TTC6: variants seen among roughly 807,000 people sequenced by gnomAD.
The protein encoded by TTC6 is tetratricopeptide repeat domain 6, also known as tetratricopeptide repeat protein 6.
TTC6 carries 172 observed loss-of-function variants against 210.4 expected under a neutral mutation model. That is an observed-to-expected ratio of 0.82 (90% confidence interval 0.72 to 0.93). The LOEUF (loss-of-function observed/expected upper bound fraction) is 0.93, where lower values mean the gene tolerates loss of function less well. Ranked by LOEUF, TTC6 falls within the 40% of genes least tolerant of loss-of-function variation. The pLI is 0.00. For synonymous variants in TTC6, 804 were observed against 819.6 expected, an observed-to-expected ratio of 0.98 and a Z score of 0.32; for missense variants, 2,414 against 2,318.1, an observed-to-expected ratio of 1.04 and a Z score of -0.85.
chr14:37,616,291 G>C (rs1595013624), intron 2 of TTC6, among the ~76,000 whole-genome samples: 1 of 152,094 alleles, frequency 6.6e-6, no homozygotes, highest in African/African-American at 2.4e-5. Context: ...TGATTCTTCT[G>C]GCTAGAATGA....
chr14:37,827,403 T>C (rs891262688), intron 29 of TTC6, 37 bp downstream of exon 31: 3 of 1,596,430 alleles, frequency 1.9e-6, no homozygotes, highest in South Asian at 1.1e-5. Context: ...CTTTTTGACC[T>C]GGAATGCTTT....
intron 1 of TTC6, among the ~76,000 whole-genome samples, chr14:37,602,244 C>T (rs1566831952): frequency 6.6e-6 from 1 of 152,248 alleles, no homozygotes; most frequent in Non-Finnish European, 1.5e-5. Flanking sequence ...AGGCGTTGAC[C>T]TTAATTGCCT....
intron 1 of TTC6, among the ~76,000 whole-genome samples, chr14:37,645,783 A>G (rs1303657962): frequency 2.0e-5 from 3 of 152,168 alleles, no homozygotes; most frequent in Non-Finnish European, 4.4e-5. Context: ...CCACAGAGGT[A>G]GCCAAGAGCC....
At chr14:37,743,261 C>T (rs894297702) in intron 10 of TTC6, among the ~76,000 whole-genome samples, 2 of 152,132 alleles carry the variant, frequency 1.3e-5, no homozygotes, top group African/African-American at 4.8e-5. Flanking sequence ...ACAGCCAGTC[C>T]CCTCTTTTAT....
intron 3 of TTC6, among the ~76,000 whole-genome samples, chr14:37,695,560 T>G (rs1160574571): frequency 6.6e-6 from 1 of 152,026 alleles, no homozygotes; most frequent in African/African-American, 2.4e-5. Flanking sequence ...TCCATGTTGG[T>G]CAGACTGGTC....
At chr14:37,715,135 A>C (rs1477988717) in intron 6 of TTC6, among the ~76,000 whole-genome samples, 1 of 152,030 alleles carries the variant, frequency 6.6e-6, no homozygotes, top group Non-Finnish European at 1.5e-5. Flanking sequence ...GTGCCACTGC[A>C]CTCCAGCCTG....
intron 23 of TTC6, among the ~76,000 whole-genome samples, 173 bp downstream of exon 25, chr14:37,807,633 A>G (rs1046355759): frequency 2.0e-5 from 3 of 152,160 alleles, no homozygotes; most frequent in Admixed American, 6.5e-5. Context: ...TTCACAAAAT[A>G]ATGGTATTTA....
At chr14:37,704,802 C>G (rs2095832216) in intron 5 of TTC6, among the ~76,000 whole-genome samples, 3 of 151,872 alleles carry the variant, frequency 2.0e-5, no homozygotes, top group Admixed American at 2.0e-4. Context: ...AATGTATTCT[C>G]TCATATTTTC....
At chr14:37,668,548 G>T (rs1289062189) in intron 1 of TTC6, among the ~76,000 whole-genome samples, 1 of 151,794 alleles carries the variant, frequency 6.6e-6, no homozygotes, top group Non-Finnish European at 1.5e-5. Context: ...CAACCTGCAA[G>T]CTCTTGAGTC....
At chr14:37,721,012 T>G (rs889624129) in intron 6 of TTC6, among the ~76,000 whole-genome samples, 1 of 151,910 alleles carries the variant, frequency 6.6e-6, no homozygotes, top group Non-Finnish European at 1.5e-5. Context: ...GTATTATTTC[T>G]TAAAACTGCC....
chr14:37,684,809 G>A (rs182017770), intron 3 of TTC6, among the ~76,000 whole-genome samples: 30 of 152,228 alleles, frequency 2.0e-4, no homozygotes, highest in Admixed American at 1.6e-3. Flanking sequence ...GCAGAATGAC[G>A]AACAATATAC....
chr14:37,721,440 G>A (rs923311921), intron 6 of TTC6, among the ~76,000 whole-genome samples: 1 of 152,074 alleles, frequency 6.6e-6, no homozygotes, highest in South Asian at 2.1e-4. Flanking sequence ...CATGGTAAGG[G>A]ACACATGTTT....
chr14:37,627,968 C>CTTGTTT (rs1372499708), intron 1 of TTC6, among the ~76,000 whole-genome samples: 3 of 152,160 alleles, frequency 2.0e-5, no homozygotes, highest in African/African-American at 4.8e-5. Flanking sequence ...TGATTCCTGA[C>CTTGTTT]TTGTTTTTGT....
At chr14:37,739,277 T>C in intron 10 of TTC6, 122 bp downstream of exon 12, 1 of 1,031,662 alleles carries the variant, frequency 9.7e-7, no homozygotes, top group Non-Finnish European at 1.3e-6. Flanking sequence ...CCTTTCACTC[T>C]TTGAAAGACA....
At chr14:37,753,198 G>A (rs2095957594) in exon 14 of TTC6, 2 of 1,535,096 alleles carry the variant, frequency 1.3e-6, no homozygotes, top group Non-Finnish European at 1.7e-6. Flanking sequence ...GGATTTTACA[G>A]CCTTGTTAAA....
At chr14:37,670,828 A>T (rs2095756888) in intron 1 of TTC6, among the ~76,000 whole-genome samples, 1 of 152,118 alleles carries the variant, frequency 6.6e-6, no homozygotes, top group African/African-American at 2.4e-5. Context: ...AAAAAGGCTA[A>T]GAAAAATTAT....
chr14:37,605,093 G>C (rs1435226464), intron 1 of TTC6, among the ~76,000 whole-genome samples: 1 of 152,180 alleles, frequency 6.6e-6, no homozygotes, highest in Non-Finnish European at 1.5e-5. Flanking sequence ...GGATGCTAAA[G>C]TTTAATTAAG....
At chr14:37,644,335 G>A (rs2095697788) in intron 1 of TTC6, among the ~76,000 whole-genome samples, 1 of 152,216 alleles carries the variant, frequency 6.6e-6, no homozygotes, top group African/African-American at 2.4e-5. Flanking sequence ...CCATTTGAGT[G>A]CTCCACTGAC....
intron 5 of TTC6, among the ~76,000 whole-genome samples, chr14:37,703,765 C>T (rs932652339): frequency 5.9e-5 from 9 of 151,996 alleles, no homozygotes; most frequent in African/African-American, 2.2e-4. Flanking sequence ...TTTTGCTAAA[C>T]AGTAATTATG....
Sources: allele counts gnomAD v4.1 joint callset (sites outside exome capture counted in the v4.1 genomes callset), GRCh38; gene constraint gnomAD v4.1.1; transcripts MANE v1.5; gene names NCBI Gene and HGNC (gene_info 2026-07-23, HGNC 2026-07-21).